Variants in LAMB1 observed in about 807,000 individuals in gnomAD.
The protein encoded by LAMB1 is laminin subunit beta 1.
A neutral mutation model predicts 222.3 loss-of-function variants in LAMB1; 121 were observed. The ratio of observed to expected loss-of-function variants is 0.54; its 90% CI spans 0.47 to 0.63. The LOEUF is 0.63. Ranked by LOEUF, LAMB1 falls within the 30% of genes least tolerant of loss-of-function variation. The pLI is 0.00. For synonymous variants in LAMB1, 794 were observed against 807.2 expected, an observed-to-expected ratio of 0.98 and a Z score of 0.28; for missense variants, 2,172 against 2,240.8, an observed-to-expected ratio of 0.97 and a Z score of 0.62.
intron 24 of LAMB1, among the ~76,000 whole-genome samples, chr7:107,944,191 TG>T (rs2116368384): frequency 6.6e-6 from 1 of 152,378 alleles, no homozygotes; most frequent in East Asian, 1.9e-4. Flanking sequence ...GGGCAAGGGA[TG>T]CATGCATACG....
intron 31 of LAMB1, among the ~76,000 whole-genome samples, chr7:107,927,593 C>T (rs1584481004): frequency 6.6e-6 from 1 of 152,194 alleles, no homozygotes; most frequent in East Asian, 1.9e-4. Flanking sequence ...GCTGGGACTA[C>T]AGGCACACAC....
In LAMB1 at chr7:108,001,680, C is replaced by T; in HGVS notation, c.91G>A (p.Ala31Thr). The change falls in exon 3 of 34, where the codon GCA becomes ACA. Residue 31 changes from alanine (A) to threonine (T), a missense_variant. Coordinates refer to ENST00000222399, the MANE Select transcript of LAMB1 (RefSeq NM_002291.3). ...AQEPEFSYGCAEGSCYPATGD... is the reference protein window; with the variant it reads ...AQEPEFSYGCTEGSCYPATGD... ...GTGGCGGGATAGCAGCTGCCTTCTGCGCAGCCGTAGCTGAACTCGGGTTCC... is the reference window on the plus strand; with the variant it reads ...GTGGCGGGATAGCAGCTGCCTTCTGTGCAGCCGTAGCTGAACTCGGGTTCC... 3.1e-6 allele frequency: 5 copies of T among 1,612,196 alleles called. No homozygotes were observed. The highest frequency in any genetic ancestry group is 4.2e-6 in the Non-Finnish European group (5 of 1,179,628).
intron 31 of LAMB1, among the ~76,000 whole-genome samples, chr7:107,928,058 T>G (rs2032608152): frequency 6.6e-6 from 1 of 152,186 alleles, no homozygotes; most frequent in African/African-American, 2.4e-5. Context: ...CTCGTAAAAT[T>G]GGAACGAAAA....
chr7:108,001,606 C>T lies in LAMB1; in HGVS notation c.165G>A (p.Thr55=). The change falls in exon 3 of 34, where the codon ACG becomes ACA. Residue 55 remains threonine, a synonymous_variant. Transcript: ENST00000222399. ...AGGGTTCGGGCTTGTGCAGCCCGCA[C>T]GTCGAGGTCACCGAAAGCTTCTGTG... The part of the protein sequence containing the change: ...GRAQKLSVTS[T]CGLHKPEPYC... 2 of 1,612,986 alleles carry T rather than the reference C, an allele frequency of 1.2e-6. No individual in the cohort carries two copies. Among genetic ancestry groups the T allele is most frequent in the Non-Finnish European group, 1.7e-6 (2 of 1,179,744 alleles).
chr7:107,939,877 A>C, intron 25 of LAMB1, 112 bp downstream of exon 25: 1 of 1,236,770 alleles, frequency 8.1e-7, no homozygotes, highest in Non-Finnish European at 1.1e-6. Context: ...GTTCTCACCC[A>C]CAGGACTAAC....
chr7:107,961,179 A>G (rs1562990827), intron 17 of LAMB1, 27 bp downstream of exon 17: 2 of 1,613,824 alleles, frequency 1.2e-6, no homozygotes, highest in South Asian at 2.2e-5. Flanking sequence ...GCTTTCCTGC[A>G]TATGCCAGAA....
Position 107,964,570 on chromosome 7 carries a change from C to T in LAMB1, c.1680G>A (p.Glu560=). The part of the protein sequence containing the change: ...ATLDHYLYEA[E]EANLGPGVSI... ...TACTCACAGGCCCCAAGTTGGCTTCCTCCGCTTCATAGAGGTAGTGATCCA... is the reference window on the plus strand; with the variant it reads ...TACTCACAGGCCCCAAGTTGGCTTCTTCCGCTTCATAGAGGTAGTGATCCA... Residue 560 remains glutamate, a synonymous_variant, in exon 14 of 34, where the codon GAG becomes GAA. Transcript: ENST00000222399. 1 of 1,614,174 alleles carries T rather than the reference C, an allele frequency of 6.2e-7. No homozygotes were observed. Among genetic ancestry groups the T allele is most frequent in the Non-Finnish European group, 8.5e-7 (1 of 1,180,016 alleles).
chr7:107,964,724 G>A lies in LAMB1; in HGVS notation c.1563-37C>T, dbSNP rs571964711. ...GAGGAGCCACATCAGCTGAGTTCAT[G>A]GTCACGCGAGTCAACCCGCCAGAAG... On this transcript the variant is annotated intron_variant, in intron 13 of 33. Transcript: ENST00000222399. 10 of 1,610,416 alleles carry A rather than the reference G, an allele frequency of 6.2e-6. No homozygotes were observed. The South Asian group carries it at 9.9e-5, about 16-fold the overall frequency.
At chr7:108,002,262 G>C (rs1043604889) in intron 2 of LAMB1, 2 of 1,320,606 alleles carry the variant, frequency 1.5e-6, no homozygotes, top group Non-Finnish European at 2.0e-6. Context: ...CGCTGGGGAC[G>C]AGGCGCCGGG....
chr7:107,976,124 T>C (rs2033848889), intron 9 of LAMB1, among the ~76,000 whole-genome samples: 1 of 152,124 alleles, frequency 6.6e-6, no homozygotes, highest in African/African-American at 2.4e-5. Context: ...TGGAAGAGAA[T>C]GGGCTATGAA....
chr7:108,002,106 G>A (rs2034399863), intron 2 of LAMB1: 1 of 1,485,188 alleles, frequency 6.7e-7, no homozygotes, highest in Non-Finnish European at 9.0e-7. Flanking sequence ...CAGGGAGGCT[G>A]ACCCCCAAAG....
intron 8 of LAMB1, 95 bp from the exon 9 acceptor site, chr7:107,978,262 T>G: frequency 7.4e-7 from 1 of 1,349,896 alleles, no homozygotes; most frequent in Non-Finnish European, 1.0e-6. Flanking sequence ...CCCTTTTTCA[T>G]ACTAATCTCT....
chr7:107,928,987 A>C, intron 31 of LAMB1, 77 bp downstream of exon 31: 1 of 1,370,142 alleles, frequency 7.3e-7, no homozygotes, highest in Non-Finnish European at 1.0e-6. Flanking sequence ...ATTTCTGTTC[A>C]TAGATAACAA....
At chr7:107,944,903 G>C (rs1319032670) in intron 24 of LAMB1, among the ~76,000 whole-genome samples, 1 of 152,194 alleles carries the variant, frequency 6.6e-6, no homozygotes, top group Non-Finnish European at 1.5e-5. Context: ...ATGAGGTCCA[G>C]TGGGCTCCTT....
chr7:107,994,829 A>C, intron 5 of LAMB1, 58 bp downstream of exon 5: 1 of 893,146 alleles, frequency 1.1e-6, no homozygotes, highest in Non-Finnish European at 1.8e-6. Context: ...CCATTTTGAA[A>C]GGGGACATTA....
intron 7 of LAMB1, among the ~76,000 whole-genome samples, chr7:107,984,491 G>A (rs2283050): frequency 0.36 from 54,202 of 152,082 alleles, 10,480 homozygotes; most frequent in Middle Eastern, 0.5. Flanking sequence ...CAAGTGATCC[G>A]CCTGCCTTGG....
chr7:107,932,341 T>G lies in LAMB1; in HGVS notation c.4225A>C (p.Thr1409Pro). Residue 1409 changes from threonine (T) to proline (P), a missense_variant, in exon 28 of 34, where the codon ACT becomes CCT. Coordinates refer to ENST00000222399, the MANE Select transcript of LAMB1 (RefSeq NM_002291.3). The stretch of plus-strand genomic sequence containing the variant: ...CTGCAGTTTGGCCCGCCACATTCAG[T>G]CTCGGAACAGGAGGCCCCTGGGGGT... The part of the protein sequence containing the change: ...GTPPGASCSE[T>P]ECGGPNCRTD... 1 of 1,614,168 alleles carries G rather than the reference T, an allele frequency of 6.2e-7. No individual in the cohort carries two copies. Among genetic ancestry groups the G allele is most frequent in the Middle Eastern group, 1.6e-4 (1 of 6,062 alleles).
intron 13 of LAMB1, among the ~76,000 whole-genome samples, chr7:107,965,835 C>T (rs777129063): frequency 6.6e-6 from 1 of 152,000 alleles, no homozygotes; most frequent in Non-Finnish European, 1.5e-5. Flanking sequence ...TGCGCAGTGG[C>T]TCACGTCTAT....
chr7:107,957,268 G>A (rs1271678675), intron 20 of LAMB1, among the ~76,000 whole-genome samples: 1 of 152,212 alleles, frequency 6.6e-6, no homozygotes, highest in Non-Finnish European at 1.5e-5. Flanking sequence ...GCCTGTGCCT[G>A]TAATCCCAGC....
Sources: gnomAD v4.1 joint callset for allele counts (sites outside exome capture counted in the v4.1 genomes callset) on GRCh38, gnomAD v4.1.1 for gene constraint, MANE v1.5 for transcripts, NCBI Gene and HGNC (gene_info 2026-07-23, HGNC 2026-07-21) for gene names.